The following NET1 variants were observed in gnomAD, a reference collection of about 807,000 sequenced individuals.
NET1 encodes neuroepithelial cell transforming 1.
Under a neutral mutation model 61.1 loss-of-function variants are expected in NET1, and 42 were observed. The observed-to-expected ratio is 0.69, with a 90% CI of 0.54 to 0.89. The LOEUF (loss-of-function observed/expected upper bound fraction) is 0.89, where lower values mean the gene tolerates loss of function less well. NET1 is among the 40% of genes least tolerant of loss of function. The pLI, the probability that NET1 is intolerant of heterozygous loss-of-function variation, is 0.00. For missense variants in NET1, 654 were observed against 747.3 expected, an observed-to-expected ratio of 0.88 and a Z score of 1.46; for synonymous variants, 254 against 281.8, an observed-to-expected ratio of 0.90 and a Z score of 0.99.
Position 5,454,530 on chromosome 10 carries a change from G to T in NET1, c.1026+8G>T. ...CAGCTTCTGGAGGATGCTGTAAGTA[G>T]TCCCTTAAGTGATTGTTTTGTTTTT... On this transcript the variant is annotated splice_region_variant and intron_variant, in intron 9 of 11. Transcript: ENST00000355029. The surrounding 1 kb of genome is among the most constrained non-coding windows in gnomAD (Gnocchi z 8.1). 1 of 1,602,988 alleles carries T rather than the reference G, an allele frequency of 6.2e-7. No homozygotes were observed. Among genetic ancestry groups the T allele is most frequent in the Non-Finnish European group, 8.5e-7 (1 of 1,176,468 alleles).
rs992021990 is a variant in NET1 at position 5,457,183 on chromosome 10, CT to C, written c.*199del. The C allele has an allele frequency of 7.1e-3, 2,476 of 348,218 alleles. No individual in the cohort carries two copies. The highest frequency in any genetic ancestry group is 8.5e-3 in the Non-Finnish European group (1,718 of 200,946). The allele number at this position is 348,218 out of a possible 1,614,324, so 21.6% of individuals were successfully genotyped here. A position where few individuals can be genotyped will look rare whatever the true frequency, so the allele number is the denominator to read the frequency against. On this transcript the variant is annotated 3_prime_UTR_variant, in exon 12 of 12. Coordinates refer to ENST00000355029, the MANE Select transcript of NET1 (RefSeq NM_001047160.3). The surrounding 1 kb of genome is among the most constrained non-coding windows in gnomAD (Gnocchi z 5.4). ...TACAGATTACTGTTAAATTGCAGTCCTTTTTTTTTTAAAGATATTTTCTTGA... is the reference window on the plus strand; with the variant it reads ...TACAGATTACTGTTAAATTGCAGTCCTTTTTTTTTAAAGATATTTTCTTGA...
intron 3 of NET1, among the ~76,000 whole-genome samples, chr10:5,436,202 G>GCA: frequency 1.1e-5 from 1 of 89,756 alleles, no homozygotes; most frequent in South Asian, 4.2e-4. Flanking sequence ...GTGTGTGTGT[G>GCA]TGTGTGTGTG....
rs1283516350 is a variant in NET1, at chr10:5,456,919, C to G, written c.1716C>G (p.His572Gln). The G allele has an allele frequency of 6.2e-7, 1 of 1,611,618 alleles. No individual in the cohort carries two copies. The highest frequency in any genetic ancestry group is 8.5e-7 in the Non-Finnish European group (1 of 1,178,818). Residue 572 changes from histidine to glutamine, a missense_variant, in exon 12 of 12, where the codon CAC (histidine) becomes CAG (glutamine). Transcript: ENST00000355029. The surrounding 1 kb of genome is among the most constrained non-coding windows in gnomAD (Gnocchi z 7.0). ...MAEDSKSLKT[H>Q]QTQPGIRRAR... The stretch of plus-strand genomic sequence containing the variant: ...AGGACAGCAAGAGCTTAAAGACACA[C>G]CAGACACAGCCCGGCATCCGAAGAG...
At position 5,441,970 on chromosome 10, in the gene NET1, T is replaced by G. The variant is rs1431377213; in HGVS notation, c.256-9860T>G. Among the ~76,000 whole-genome samples, 1 of 152,072 alleles carries G rather than the reference T, an allele frequency of 6.6e-6. No individual in the cohort carries two copies. Among genetic ancestry groups the G allele is most frequent in the African/African-American group, 2.4e-5 (1 of 41,412 alleles). ...ATGCTTGTAATCTTGAATTCTAGAG[T>G]TTTAAAATGGAATGTAGTTTTCTTA... On this transcript the variant is annotated intron_variant, in intron 3 of 11. Coordinates refer to ENST00000355029, the MANE Select transcript of NET1 (RefSeq NM_001047160.3). The surrounding 1 kb of genome is among the most constrained non-coding windows in gnomAD (Gnocchi z 4.6).
intron 3 of NET1, among the ~76,000 whole-genome samples, chr10:5,442,079 A>G (rs947288131): frequency 7.2e-5 from 11 of 152,188 alleles, no homozygotes; most frequent in Admixed American, 5.2e-4. Flanking sequence ...TATATGTTTA[A>G]TTTAGTAATA....
chr10:5,450,873 G>A (rs1034529129), intron 3 of NET1, among the ~76,000 whole-genome samples: 14 of 152,110 alleles, frequency 9.2e-5, no homozygotes, highest in Admixed American at 3.3e-4. Context: ...AATAAGTGAT[G>A]TGTTTGCTAT....
At position 5,457,059 on chromosome 10, in the gene NET1, TC is replaced by T; in HGVS notation, c.*66del. Reference sequence around the variant, plus strand: ...TTTATAAATGTGTACAGTTTTGTTTTCTCGTAAGGGGAGCATCATAGGGTTA... The same window carrying T: ...TTTATAAATGTGTACAGTTTTGTTTTTCGTAAGGGGAGCATCATAGGGTTA... On this transcript the variant is annotated 3_prime_UTR_variant, in exon 12 of 12. Transcript: ENST00000355029. This position sits in a 1 kb window ranked among gnomAD's most constrained non-coding sequence, Gnocchi z 5.4. The T allele has an allele frequency of 2.1e-6, 3 of 1,460,608 alleles. No homozygotes were observed. The highest frequency in any genetic ancestry group is 2.7e-6 in the Non-Finnish European group (3 of 1,097,262). The allele number at this position is 1,460,608 out of a possible 1,614,324, so 90.5% of individuals were successfully genotyped here. A position where few individuals can be genotyped will look rare whatever the true frequency, so the allele number is the denominator to read the frequency against.
rs181457365 is a variant in NET1, at chr10:5,437,984, C to G, written c.255+8755C>G. 6.6e-4 allele frequency among the ~76,000 whole-genome samples: 100 copies of G among 151,872 alleles called. No individual in the cohort carries two copies. The highest frequency in any genetic ancestry group is 3.4e-3 in the Middle Eastern group (1 of 294). ...AATTTATAAGTATGTGGAAATTAAACAACACATTATTAAACAATCAATGAG... is the reference window on the plus strand; with the variant it reads ...AATTTATAAGTATGTGGAAATTAAAGAACACATTATTAAACAATCAATGAG... On this transcript the variant is annotated intron_variant, in intron 3 of 11. Transcript: ENST00000355029. The surrounding 1 kb of genome is among the most constrained non-coding windows in gnomAD (Gnocchi z 4.3).
rs1300784082 is a variant in NET1 at position 5,437,214 on chromosome 10, C to T, written c.255+7985C>T. On this transcript the variant is annotated intron_variant, in intron 3 of 11. Transcript: ENST00000355029. This position sits in a 1 kb window ranked among gnomAD's most constrained non-coding sequence, Gnocchi z 4.3. Reference sequence around the variant, plus strand: ...ATCCAGTTATTATTTGATGTTTGTCCAGATTGTTTTCTTTTTATTTATCTA... The same window carrying T: ...ATCCAGTTATTATTTGATGTTTGTCTAGATTGTTTTCTTTTTATTTATCTA... 1.3e-5 allele frequency among the ~76,000 whole-genome samples: 2 copies of T among 152,058 alleles called. No homozygotes were observed. The highest frequency in any genetic ancestry group is 1.3e-4 in the Admixed American group (2 of 15,262).
In NET1 at chr10:5,446,804, TAAAAG is replaced by T; in HGVS notation, c.256-5025_256-5021del. 2.5e-6 allele frequency: 4 copies of T among 1,611,634 alleles called. No individual in the cohort carries two copies. Among genetic ancestry groups the T allele is most frequent in the Non-Finnish European group, 3.4e-6 (4 of 1,178,616 alleles). On this transcript the variant is annotated intron_variant, in intron 3 of 11. Coordinates refer to ENST00000355029, the MANE Select transcript of NET1 (RefSeq NM_001047160.3). This position sits in a 1 kb window ranked among gnomAD's most constrained non-coding sequence, Gnocchi z 5.0. ...ATGAGACTGGAGGTCTCCTACCTATTAAAAGGACCATACGAGTCCTAGATGTCAAT... is the reference window on the plus strand; with the variant it reads ...ATGAGACTGGAGGTCTCCTACCTATTGACCATACGAGTCCTAGATGTCAAT...
intron 3 of NET1, among the ~76,000 whole-genome samples, chr10:5,430,191 TTA>T (rs1832325979): frequency 6.6e-6 from 1 of 152,194 alleles, no homozygotes; most frequent in Admixed American, 6.5e-5. Context: ...TTGATTATTT[TTA>T]GGTATGTTTC....
chr10:5,421,020 T>C lies in NET1; in HGVS notation c.129-5635T>C, dbSNP rs1832166983. ...TGGCCTCAGCTTTGATTTACCTAAT[T>C]ATTTTCTGTCTTCTCCTTTGAGAAT... is the stretch of plus-strand genomic sequence containing the variant. On this transcript the variant is annotated intron_variant, in intron 1 of 11. Transcript: ENST00000355029. The surrounding 1 kb of genome is among the most constrained non-coding windows in gnomAD (Gnocchi z 4.2). 6.6e-6 allele frequency among the ~76,000 whole-genome samples: 1 copy of C among 152,210 alleles called. No individual in the cohort carries two copies. Among genetic ancestry groups the C allele is most frequent in the Non-Finnish European group, 1.5e-5 (1 of 68,042 alleles).
Position 5,456,544 on chromosome 10 carries a change from T to A in NET1, c.1385-44T>A. ...TGACCACTTTGTCTAGAATAAACCT[T>A]TTTTTAGCCTGATTTCTTTTTTTTT... is the stretch of plus-strand genomic sequence containing the variant. On this transcript the variant is annotated intron_variant, in intron 11 of 11. Coordinates refer to ENST00000355029, the MANE Select transcript of NET1 (RefSeq NM_001047160.3). The surrounding 1 kb of genome is among the most constrained non-coding windows in gnomAD (Gnocchi z 7.0). 1.3e-6 allele frequency: 2 copies of A among 1,508,450 alleles called. No homozygotes were observed. Among genetic ancestry groups the A allele is most frequent in the Non-Finnish European group, 1.8e-6 (2 of 1,127,368 alleles). 93.4% of individuals were successfully genotyped at this position (1,508,450 alleles called of 1,614,324 possible). A position where few individuals can be genotyped will look rare whatever the true frequency, so the allele number is the denominator to read the frequency against.
intron 1 of NET1, among the ~76,000 whole-genome samples, chr10:5,425,255 G>A (rs1462019715): frequency 4.8e-5 from 3 of 62,564 alleles, no homozygotes; most frequent in Non-Finnish European, 9.9e-5. Flanking sequence ...GTTCCTTGTC[G>A]GAAAAAAAAC....
At chr10:5,442,178 T>A (rs1277562346) in intron 3 of NET1, among the ~76,000 whole-genome samples, 1 of 152,258 alleles carries the variant, frequency 6.6e-6, no homozygotes, top group Non-Finnish European at 1.5e-5. Flanking sequence ...TGTAGTCATC[T>A]ATGTAATGTC....
Position 5,458,081 on chromosome 10 carries a change from T to C in NET1, c.*1087T>C, listed in dbSNP as rs1832837305. On this transcript the variant is annotated 3_prime_UTR_variant, in exon 12 of 12. Coordinates refer to ENST00000355029, the MANE Select transcript of NET1 (RefSeq NM_001047160.3). The surrounding 1 kb of genome is among the most constrained non-coding windows in gnomAD (Gnocchi z 4.5). ...CAACTTGAGGGCGTGTAGTAAGTTG[T>C]AGAAGGCTCGAGGGGACGTGGACTT... 6.6e-6 allele frequency: 1 copy of C among 152,172 alleles called. No homozygotes were observed. Among genetic ancestry groups the C allele is most frequent in the African/African-American group, 2.4e-5 (1 of 41,440 alleles). The allele number at this position is 152,172 out of a possible 1,614,324, so 9.4% of individuals were successfully genotyped here.
At chr10:5,438,245 T>A (rs1194567576) in intron 3 of NET1, among the ~76,000 whole-genome samples, 1 of 152,062 alleles carries the variant, frequency 6.6e-6, no homozygotes, top group Non-Finnish European at 1.5e-5. Context: ...GGAAATTCAT[T>A]AAGAACGGTG....
At chr10:5,418,442 G>A (rs549705274) in intron 1 of NET1, among the ~76,000 whole-genome samples, 23 of 152,016 alleles carry the variant, frequency 1.5e-4, no homozygotes, top group Admixed American at 5.2e-4. Flanking sequence ...ACCCTTCCTT[G>A]TTCATAGTAT....
chr10:5,450,216 G>A (rs1188614194), intron 3 of NET1, among the ~76,000 whole-genome samples: 8 of 152,006 alleles, frequency 5.3e-5, no homozygotes, highest in Non-Finnish European at 1.2e-4. Context: ...TTGGTATGAG[G>A]GGTTGATCTA....
Sources: gnomAD v4.1 joint callset for allele counts (sites outside exome capture counted in the v4.1 genomes callset) on GRCh38, gnomAD v4.1.1 for gene constraint, Gnocchi (gnomAD v3.1) non-coding constraint, MANE v1.5 for transcripts, NCBI Gene and HGNC (gene_info 2026-07-23, HGNC 2026-07-21) for gene names.